The following KRTAP9-1 variants were observed in gnomAD, a reference collection of about 807,000 sequenced individuals.
KRTAP9-1 encodes the protein keratin-associated protein 9-1.
Under a neutral mutation model 18.4 loss-of-function variants are expected in KRTAP9-1, and 13 were observed. The observed-to-expected ratio is 0.71, with a 90% CI of 0.46 to 1.12. The LOEUF is 1.12. Ranked by LOEUF, KRTAP9-1 falls within the 50% of genes most tolerant of loss-of-function variation. The probability of loss-of-function intolerance (pLI) is 0.00; values close to 1 mark genes in which losing one functional copy is unlikely to be tolerated. For missense variants in KRTAP9-1, 310 were observed against 310.6 expected, an observed-to-expected ratio of 1.00 and a Z score of 0.01; for synonymous variants, 122 against 108.8, an observed-to-expected ratio of 1.12 and a Z score of -0.75.
Position 41,190,210 on chromosome 17 carries a change from T to C in KRTAP9-1, c.324T>C (p.Pro108=), listed in dbSNP as rs780992730. The C allele has an allele frequency of 6.6e-7, 1 of 1,521,200 alleles. No individual in the cohort carries two copies. Among genetic ancestry groups the C allele is most frequent in the Non-Finnish European group, 8.8e-7 (1 of 1,132,766 alleles). The allele number at this position is 1,521,200 out of a possible 1,614,324, so 94.2% of individuals were successfully genotyped here. A position where few individuals can be genotyped will look rare whatever the true frequency, so the allele number is the denominator to read the frequency against. ...QTSCGSSCCQ[P]ICGSSCCQPC... Reference sequence around the variant, plus strand: ...GCTGTGGGTCCAGCTGCTGTCAGCCTATTTGTGGGTCCAGTTGCTGTCAGC... The same window carrying C: ...GCTGTGGGTCCAGCTGCTGTCAGCCCATTTGTGGGTCCAGTTGCTGTCAGC... Residue 108 remains proline (P), a synonymous_variant, in exon 1 of 1, where the codon CCT becomes CCC. Transcript: ENST00000398470.
Position 41,190,443 on chromosome 17 carries a change from G to C in KRTAP9-1, c.557G>C (p.Cys186Ser). The change falls in exon 1 of 1, where the codon TGC becomes TCC. Residue 186 changes from cysteine to serine, a missense_variant. Physicochemically the swap from Cys to Ser is moderately radical, Grantham distance 112. Transcript: ENST00000398470. Reference protein sequence around the residue: ...CCQPSCVTRCCSTPCCQPTCG... With the variant: ...CCQPSCVTRCSSTPCCQPTCG... ...CAACCATCCTGTGTGACCAGATGCT[G>C]CAGCACACCCTGTTGCCAGCCAACC... 6.2e-7 allele frequency: 1 copy of C among 1,605,788 alleles called. No individual in the cohort carries two copies. Among genetic ancestry groups the C allele is most frequent in the South Asian group, 1.1e-5 (1 of 90,148 alleles).
chr17:41,189,977 A>C lies in KRTAP9-1; in HGVS notation c.91A>C (p.Thr31Pro). 6.2e-7 allele frequency: 1 copy of C among 1,613,112 alleles called. No homozygotes were observed. The highest frequency in any genetic ancestry group is 8.5e-7 in the Non-Finnish European group (1 of 1,179,918). ...CTGCTGGAAGCCCACCACTGTGACC[A>C]CCTGCAGCAGCACACCCTGTTGCCA... The part of the protein sequence containing the change: ...TTCWKPTTVT[T>P]CSSTPCCQPS... The change falls in exon 1 of 1, where the codon ACC becomes CCC. Residue 31 changes from threonine to proline, a missense_variant. By Grantham distance (38) the Thr-to-Pro change is conservative. Around this residue, in one of 3 missense-constraint regions of KRTAP9-1, gnomAD observed 178 missense variants for 190.2 expected, o/e 0.94. Transcript: ENST00000398470.
chr17:41,190,134 C>T lies in KRTAP9-1; in HGVS notation c.248C>T (p.Thr83Ile). Residue 83 changes from threonine to isoleucine, a missense_variant, in exon 1 of 1, where the codon ACA becomes ATA. Physicochemically the swap from Thr to Ile is moderately conservative, Grantham distance 89. This residue lies in a region of KRTAP9-1 where 178 missense variants were observed against 190.2 expected (regional missense o/e 0.94). Coordinates refer to ENST00000398470, the MANE Select transcript of KRTAP9-1 (RefSeq NM_001190460.1). ...TGCTGCCAGCCTTCCTGCTGCAGCA[C>T]ACCCTGCTGCCAGCCCACCTGCTGT... ...ASCCQPSCCS[T>I]PCCQPTCCGS... The T allele has an allele frequency of 6.3e-7, 1 of 1,584,870 alleles. No individual in the cohort carries two copies. Among genetic ancestry groups the T allele is most frequent in the Non-Finnish European group, 8.6e-7 (1 of 1,167,264 alleles).
rs780388795 is a variant in KRTAP9-1 at position 41,190,535 on chromosome 17, CCCACCTGCTGCCAGA to C, written c.659_673del (p.Cys220_Cys224del). 1.2e-6 allele frequency: 2 copies of C among 1,610,106 alleles called. No individual in the cohort carries two copies. Among genetic ancestry groups the C allele is most frequent in the South Asian group, 1.1e-5 (1 of 90,662 alleles). ...CAGCTATTGTCTGCCTTGCTGCCGT[CCCACCTGCTGCCAGA>C]CCACCTGCTACAGGACCACCTGTTG... On this transcript the variant is annotated inframe_deletion, in exon 1 of 1. Coordinates refer to ENST00000398470, the MANE Select transcript of KRTAP9-1 (RefSeq NM_001190460.1).
At chr17:41,190,193 TC>T (rs1180759285) in intron 2 of KRTAP9-1, 1 of 1,524,830 alleles carries the variant, frequency 6.6e-7, no homozygotes, top group South Asian at 1.3e-5. Flanking sequence ...CAGCTGTGGG[TC>T]CAGCTGCTGT....
chr17:41,189,947 A>G lies in KRTAP9-1; in HGVS notation c.61A>G (p.Thr21Ala). ...ATGCTGCAGGACCACCTGCTGCAGG[A>G]CAACCTGCTGGAAGCCCACCACTGT... ...PTCCRTTCCR[T>A]TCWKPTTVTT... Residue 21 changes from threonine to alanine, a missense_variant, in exon 1 of 1, where the codon ACA becomes GCA. This residue lies in a region of KRTAP9-1 where 178 missense variants were observed against 190.2 expected (regional missense o/e 0.94). Coordinates refer to ENST00000398470, the MANE Select transcript of KRTAP9-1 (RefSeq NM_001190460.1). The G allele has an allele frequency of 6.2e-7, 1 of 1,612,390 alleles. No homozygotes were observed. Among genetic ancestry groups the G allele is most frequent in the Non-Finnish European group, 8.5e-7 (1 of 1,179,868 alleles).
Position 41,190,358 on chromosome 17 carries a change from T to TGCTGCCAGCCTAGCTGTG in KRTAP9-1, c.483_484insAGCTGTGGCTGCCAGCCT (p.Pro161_Cys162insSerCysGlyCysGlnPro). The TGCTGCCAGCCTAGCTGTG allele has an allele frequency of 6.3e-7, 1 of 1,578,186 alleles. No individual in the cohort carries two copies. ...CCAGCCCACCTGCTGTGGGTCCAGC[T>TGCTGCCAGCCTAGCTGTG]GCTGCCAGCCTTGCTGCCACCCAAC... On this transcript the variant is annotated inframe_insertion, in exon 1 of 1. Coordinates refer to ENST00000398470, the MANE Select transcript of KRTAP9-1 (RefSeq NM_001190460.1).
Position 41,190,467 on chromosome 17 carries a change from C to G in KRTAP9-1, c.581C>G (p.Thr194Ser), listed in dbSNP as rs749470284. ...TGCAGCACACCCTGTTGCCAGCCAA[C>G]CTGTGGTGGGTCCAGCTGCTGTAGC... ...RCCSTPCCQP[T>S]CGGSSCCSQT... Residue 194 changes from threonine to serine, a missense_variant, in exon 1 of 1, where the codon ACC becomes AGC. This residue lies in a region of KRTAP9-1 where 130 missense variants were observed against 103.4 expected (regional missense o/e 1.26). Transcript: ENST00000398470. 2 of 1,600,710 alleles carry G rather than the reference C, an allele frequency of 1.2e-6. No homozygotes were observed. The highest frequency in any genetic ancestry group is 1.7e-5 in the Admixed American group (1 of 57,252).
Position 41,190,434 on chromosome 17 carries a change from C to G in KRTAP9-1, c.548C>G (p.Thr183Ser). Residue 183 changes from threonine (T) to serine (S), a missense_variant, in exon 1 of 1, where the codon ACC becomes AGC. Transcript: ENST00000398470. ...RSTCCQPSCVTRCCSTPCCQP... is the reference protein window; with the variant it reads ...RSTCCQPSCVSRCCSTPCCQP... ...ACCTGCTGCCAACCATCCTGTGTGA[C>G]CAGATGCTGCAGCACACCCTGTTGC... The G allele has an allele frequency of 6.2e-7, 1 of 1,607,162 alleles. No homozygotes were observed. Among genetic ancestry groups the G allele is most frequent in the Non-Finnish European group, 8.5e-7 (1 of 1,176,754 alleles).
Position 41,189,918 on chromosome 17 carries a change from C to A in KRTAP9-1, c.32C>A (p.Pro11His), listed in dbSNP as rs773778928. 1 of 1,612,278 alleles carries A rather than the reference C, an allele frequency of 6.2e-7. No homozygotes were observed. The highest frequency in any genetic ancestry group is 8.5e-7 in the Non-Finnish European group (1 of 1,179,864). MTHCCSPCCQPTCCRTTCCRT... is the reference protein window; with the variant it reads MTHCCSPCCQHTCCRTTCCRT... ...CACTGCTGTTCCCCTTGCTGTCAGC[C>A]TACATGCTGCAGGACCACCTGCTGC... Residue 11 changes from proline to histidine, a missense_variant, in exon 1 of 1, where the codon CCT becomes CAT. Physicochemically the swap from Pro to His is moderately conservative, Grantham distance 77. This residue lies in a region of KRTAP9-1 where 178 missense variants were observed against 190.2 expected (regional missense o/e 0.94). Coordinates refer to ENST00000398470, the MANE Select transcript of KRTAP9-1 (RefSeq NM_001190460.1).
In KRTAP9-1 at chr17:41,190,328, T is replaced by C; in HGVS notation, c.442T>C (p.Ser148Pro). The C allele has an allele frequency of 7.9e-7, 1 of 1,270,446 alleles. No homozygotes were observed. Among genetic ancestry groups the C allele is most frequent in the Non-Finnish European group, 1.0e-6 (1 of 986,316 alleles). 78.7% of individuals were successfully genotyped at this position (1,270,446 alleles called of 1,614,324 possible). The change falls in exon 1 of 1, where the codon TCT (serine) becomes CCT (proline). Residue 148 changes from serine to proline, a missense_variant. Coordinates refer to ENST00000398470, the MANE Select transcript of KRTAP9-1 (RefSeq NM_001190460.1). Reference protein sequence around the residue: ...CCQPTCCRNTSCQPTCCGSSC... With the variant: ...CCQPTCCRNTPCQPTCCGSSC... ...CCAGCCCACCTGCTGCAGGAACACC[T>C]CTTGCCAGCCCACCTGCTGTGGGTC...
At position 41,189,992 on chromosome 17, in the gene KRTAP9-1, C is replaced by T; in HGVS notation, c.106C>T (p.Pro36Ser). ...PTTVTTCSST[P>S]CCQPSCCVPS... is the part of the protein sequence containing the mutation. ...CACTGTGACCACCTGCAGCAGCACA[C>T]CCTGTTGCCAGCCCTCCTGCTGTGT... is the stretch of plus-strand genomic sequence containing the variant. The change falls in exon 1 of 1, where the codon CCC becomes TCC. Residue 36 changes from proline to serine, a missense_variant. Transcript: ENST00000398470. 1 of 1,612,958 alleles carries T rather than the reference C, an allele frequency of 6.2e-7. No individual in the cohort carries two copies. The highest frequency in any genetic ancestry group is 1.1e-5 in the South Asian group (1 of 91,004).
At position 41,190,625 on chromosome 17, in the gene KRTAP9-1, C is replaced by G. The variant is rs781180059; in HGVS notation, c.739C>G (p.Pro247Ala). The G allele has an allele frequency of 2.6e-5, 42 of 1,593,744 alleles. No homozygotes were observed. The highest frequency in any genetic ancestry group is 3.6e-5 in the Non-Finnish European group (42 of 1,170,006). ...SPCCVSSCCQ[P>A]SCC ...TTGCTGTGTCTCCAGCTGCTGCCAG[C>G]CTTCCTGCTGCTAATCCACTTGCTG... Residue 247 changes from proline to alanine, a missense_variant, in exon 1 of 1, where the codon CCT becomes GCT. Around this residue, in one of 3 missense-constraint regions of KRTAP9-1, gnomAD observed 130 missense variants for 103.4 expected, o/e 1.26. Transcript: ENST00000398470.
At position 41,190,564 on chromosome 17, in the gene KRTAP9-1, G is replaced by A; in HGVS notation, c.678G>A (p.Arg226=). 6.2e-7 allele frequency: 1 copy of A among 1,609,990 alleles called. No homozygotes were observed. Among genetic ancestry groups the A allele is most frequent in the Non-Finnish European group, 8.5e-7 (1 of 1,178,256 alleles). ...CCTGCTGCCAGACCACCTGCTACAG[G>A]ACCACCTGTTGCCGCCCCAGCTGTT... ...RPTCCQTTCY[R]TTCCRPSCCC... The change falls in exon 1 of 1, where the codon AGG becomes AGA. Residue 226 remains arginine (R), a synonymous_variant. Coordinates refer to ENST00000398470, the MANE Select transcript of KRTAP9-1 (RefSeq NM_001190460.1).
rs866222610 is a variant in KRTAP9-1, at chr17:41,190,566, C to A, written c.680C>A (p.Thr227Asn). The A allele has an allele frequency of 6.2e-7, 1 of 1,610,578 alleles. No individual in the cohort carries two copies. Residue 227 changes from threonine to asparagine, a missense_variant, in exon 1 of 1, where the codon ACC (threonine) becomes AAC (asparagine). By Grantham distance (65) the Thr-to-Asn change is moderately conservative. This residue lies in a region of KRTAP9-1 where 130 missense variants were observed against 103.4 expected (regional missense o/e 1.26). Coordinates refer to ENST00000398470, the MANE Select transcript of KRTAP9-1 (RefSeq NM_001190460.1). ...PTCCQTTCYRTTCCRPSCCCS... is the reference protein window; with the variant it reads ...PTCCQTTCYRNTCCRPSCCCS... ...TGCTGCCAGACCACCTGCTACAGGA[C>A]CACCTGTTGCCGCCCCAGCTGTTGC...
chr17:41,189,928 C>A lies in KRTAP9-1; in HGVS notation c.18C>A (p.Cys6Ter). ...CCCCTTGCTGTCAGCCTACATGCTG[C>A]AGGACCACCTGCTGCAGGACAACCT... The change falls in exon 1 of 3, where the codon TGC (cysteine) becomes TGA (stop). Residue 6 changes from cysteine to a stop codon, truncating the protein, a stop_gained. Coordinates refer to the KRTAP9-1 transcript ENST00000634358. LOFTEE classifies it high-confidence loss of function. 6.2e-7 allele frequency: 1 copy of A among 1,612,440 alleles called. No homozygotes were observed. Among genetic ancestry groups the A allele is most frequent in the Non-Finnish European group, 8.5e-7 (1 of 1,179,886 alleles).
chr17:41,190,542 G>A lies in KRTAP9-1; in HGVS notation c.656G>A (p.Cys219Tyr), dbSNP rs2015343260. ...TGTCTGCCTTGCTGCCGTCCCACCTGCTGCCAGACCACCTGCTACAGGACC... is the reference window on the plus strand; with the variant it reads ...TGTCTGCCTTGCTGCCGTCCCACCTACTGCCAGACCACCTGCTACAGGACC... ...SYCLPCCRPTCCQTTCYRTTC... is the reference protein window; with the variant it reads ...SYCLPCCRPTYCQTTCYRTTC... Residue 219 changes from cysteine (C) to tyrosine (Y), a missense_variant, in exon 1 of 1, where the codon TGC becomes TAC. This residue lies in a region of KRTAP9-1 where 130 missense variants were observed against 103.4 expected (regional missense o/e 1.26). Transcript: ENST00000398470. 3 of 1,610,990 alleles carry A rather than the reference G, an allele frequency of 1.9e-6. No homozygotes were observed. In the East Asian group the frequency reaches 6.7e-5, roughly 36 times the overall value.
Position 41,190,360 on chromosome 17 carries a change from C to CTGCCAGCCTAGCTGTGGGTCCAGCTGT in KRTAP9-1, c.483_484insAGCTGTGGGTCCAGCTGTTGCCAGCCT (p.Pro161_Cys162insSerCysGlySerSerCysCysGlnPro), listed in dbSNP as rs761732080. 6 of 1,576,822 alleles carry CTGCCAGCCTAGCTGTGGGTCCAGCTGT rather than the reference C, an allele frequency of 3.8e-6. No homozygotes were observed. The highest frequency in any genetic ancestry group is 3.5e-6 in the Non-Finnish European group (4 of 1,158,066). On this transcript the variant is annotated inframe_insertion, in exon 1 of 1. Coordinates refer to ENST00000398470, the MANE Select transcript of KRTAP9-1 (RefSeq NM_001190460.1). ...AGCCCACCTGCTGTGGGTCCAGCTGCTGCCAGCCTTGCTGCCACCCAACAT... is the reference window on the plus strand; with the variant it reads ...AGCCCACCTGCTGTGGGTCCAGCTGCTGCCAGCCTAGCTGTGGGTCCAGCTGTTGCCAGCCTTGCTGCCACCCAACAT...
At position 41,190,350 on chromosome 17, in the gene KRTAP9-1, G is replaced by GGTCCAGCTGCTGCCAGCCTAGCTGTGT; in HGVS notation, c.483_484insAGCTGTGTGTCCAGCTGCTGCCAGCCT (p.Pro161_Cys162insSerCysValSerSerCysCysGlnPro). ...ACCTCTTGCCAGCCCACCTGCTGTG[G>GGTCCAGCTGCTGCCAGCCTAGCTGTGT]GTCCAGCTGCTGCCAGCCTTGCTGC... On this transcript the variant is annotated inframe_insertion, in exon 1 of 1. Transcript: ENST00000398470. The GGTCCAGCTGCTGCCAGCCTAGCTGTGT allele has an allele frequency of 6.4e-7, 1 of 1,567,574 alleles. No individual in the cohort carries two copies. The highest frequency in any genetic ancestry group is 8.7e-7 in the Non-Finnish European group (1 of 1,152,952).
Sources: gnomAD v4.1 joint callset for allele counts on GRCh38, gnomAD v4.1.1 for gene constraint, gnomAD v4.1.1 regional missense constraint, MANE v1.5 for transcripts, NCBI Gene and HGNC (gene_info 2026-07-23, HGNC 2026-07-21) for gene names.